Variants in PTPN13 observed in about 807,000 individuals in gnomAD.
PTPN13 encodes tyrosine-protein phosphatase non-receptor type 13.
In PTPN13, 191 loss-of-function variants were observed where a neutral mutation model predicts 284.0. The observed-to-expected ratio is 0.67, with a 90% CI of 0.60 to 0.76. The LOEUF (loss-of-function observed/expected upper bound fraction) is 0.76, where lower values mean the gene tolerates loss of function less well. Among genes scored for constraint, PTPN13 ranks in the 30% least tolerant of loss-of-function variants. The probability of loss-of-function intolerance (pLI) is 0.00; values close to 1 mark genes in which losing one functional copy is unlikely to be tolerated. For missense variants in PTPN13, 2,797 were observed against 2,939.9 expected, an observed-to-expected ratio of 0.95 and a Z score of 1.12; for synonymous variants, 986 against 1,022.3, an observed-to-expected ratio of 0.96 and a Z score of 0.68.
At position 86,635,404 on chromosome 4, in the gene PTPN13, T is replaced by A. The variant is rs190755371; in HGVS notation, c.115+33T>A. On this transcript the variant is annotated intron_variant, in intron 2 of 47. Coordinates refer to ENST00000411767, the MANE Select transcript of PTPN13 (RefSeq NM_080683.3). ...GCTGCTGCTGCTGCTGTTGTTGTTG[T>A]TGTTTCAGTATTGGGTACTTAAAAA... 1,535 of 1,560,622 alleles carry A rather than the reference T, an allele frequency of 9.8e-4. 1 individual carries two copies. The highest frequency in any genetic ancestry group is 1.2e-3 in the Non-Finnish European group (1,409 of 1,152,034).
intron 2 of PTPN13, among the ~76,000 whole-genome samples, chr4:86,661,612 A>G (rs1389728692): frequency 1.3e-5 from 2 of 152,220 alleles, no homozygotes; most frequent in Non-Finnish European, 2.9e-5. Context: ...AGAGAATGGC[A>G]TTAGTGATCA....
chr4:86,649,956 GT>G (rs1347067723), intron 2 of PTPN13, among the ~76,000 whole-genome samples: 1 of 152,056 alleles, frequency 6.6e-6, no homozygotes, highest in African/African-American at 2.4e-5. Flanking sequence ...CCATTTTTGT[GT>G]GTCCTCTTCA....
chr4:86,715,904 A>T (rs1314487727), intron 7 of PTPN13, among the ~76,000 whole-genome samples: 23 of 152,354 alleles, frequency 1.5e-4, no homozygotes. Context: ...TTTAGATTCT[A>T]GTCCACACTT....
At chr4:86,596,657 CTG>C (rs1181194594) in intron 1 of PTPN13, among the ~76,000 whole-genome samples, 1 of 152,038 alleles carries the variant, frequency 6.6e-6, no homozygotes, top group African/African-American at 2.4e-5. Flanking sequence ...TTGATTTGTT[CTG>C]TCTTTAATGT....
intron 2 of PTPN13, among the ~76,000 whole-genome samples, chr4:86,655,710 A>G (rs1178544196): frequency 6.6e-6 from 1 of 152,056 alleles, no homozygotes; most frequent in Non-Finnish European, 1.5e-5. Flanking sequence ...GAATCTGACA[A>G]TTATGTGTCT....
In PTPN13 at chr4:86,744,571, C is replaced by T. The variant is rs1246428399; in HGVS notation, c.2488-395C>T. ...CGATTTTTCAGTCAACAACTGACCA[C>T]GAGCAATGGTGGTCCCATAAGATTA... On this transcript the variant is annotated intron_variant, in intron 16 of 47. Transcript: ENST00000411767. Among the ~76,000 whole-genome samples the T allele has an allele frequency of 2.0e-5, 3 of 152,290 alleles. No homozygotes were observed. In the East Asian group the frequency reaches 5.8e-4, roughly 29 times the overall value.
chr4:86,701,670 GC>G lies in PTPN13; in HGVS notation c.1067del (p.Pro356LeufsTer36), dbSNP rs1731182541. 1 of 1,613,722 alleles carries G rather than the reference GC, an allele frequency of 6.2e-7. No homozygotes were observed. Among genetic ancestry groups the G allele is most frequent in the Non-Finnish European group, 8.5e-7 (1 of 1,179,858 alleles). On this transcript the variant is annotated frameshift_variant, in exon 7 of 48. Coordinates refer to ENST00000411767, the MANE Select transcript of PTPN13 (RefSeq NM_080683.3). LOFTEE classifies it high-confidence loss of function. ...GGAAGTATAGCCTTGGATATCTTTG[GC>G]CCTCAGAAAATGGATCCAATATATC... is the stretch of plus-strand genomic sequence containing the variant. Reference protein sequence around the residue: ...SDGSIALDIFGPQKMDPIYHT... With the variant: ...SDGSIALDIFXPQKMDPIYHT...
At chr4:86,694,474 G>C (rs184033689) in intron 6 of PTPN13, among the ~76,000 whole-genome samples, 223 of 150,990 alleles carry the variant, frequency 1.5e-3, no homozygotes, top group Non-Finnish European at 2.8e-3. Context: ...CAGCTACTCG[G>C]GAGGCTGAGA....
intron 27 of PTPN13, among the ~76,000 whole-genome samples, chr4:86,766,988 C>T (rs1484957275): frequency 3.3e-5 from 5 of 152,000 alleles, no homozygotes; most frequent in Non-Finnish European, 5.9e-5. Context: ...GGCGCAATCA[C>T]GGCTCACTGC....
At chr4:86,653,070 G>A (rs1005998056) in intron 2 of PTPN13, among the ~76,000 whole-genome samples, 27 of 151,844 alleles carry the variant, frequency 1.8e-4, no homozygotes, top group Middle Eastern at 3.2e-3. Flanking sequence ...GAATTTTTCA[G>A]TTCCAGAATT....
At chr4:86,693,510 T>C in intron 5 of PTPN13, 77 bp from the exon 6 acceptor site, 2 of 859,034 alleles carry the variant, frequency 2.3e-6, no homozygotes, top group Admixed American at 5.7e-5. Flanking sequence ...GTAACTAGTG[T>C]CATTCTGTAA....
Position 86,811,086 on chromosome 4 carries a change from G to C in PTPN13, c.7340G>C (p.Arg2447Thr), listed in dbSNP as rs1199910517. ...SDLVRCMRLQ[R>T]HGMVQTEDQY... ...TTGGTGCGCTGCATGAGACTACAAA[G>C]ACACGGAATGGTTCAGACAGAGGTG... Residue 2447 changes from arginine (R) to threonine (T), a missense_variant, in exon 47 of 48, where the codon AGA becomes ACA. Arg to Thr is a moderately conservative substitution (Grantham distance 71). Coordinates refer to ENST00000411767, the MANE Select transcript of PTPN13 (RefSeq NM_080683.3). 2 of 1,613,508 alleles carry C rather than the reference G, an allele frequency of 1.2e-6. No homozygotes were observed. The highest frequency in any genetic ancestry group is 4.5e-5 in the East Asian group (2 of 44,870).
intron 2 of PTPN13, among the ~76,000 whole-genome samples, chr4:86,640,296 T>A (rs2148752933): frequency 6.6e-6 from 1 of 152,352 alleles, no homozygotes; most frequent in Admixed American, 6.5e-5. Flanking sequence ...TTTGCTTCAC[T>A]TTATTTTTCA....
In PTPN13 at chr4:86,729,231, C is replaced by T. The variant is rs1254735808; in HGVS notation, c.1609-3169C>T. Among the ~76,000 whole-genome samples the T allele has an allele frequency of 2.0e-5, 3 of 149,566 alleles. 1 individual carries two copies. Among genetic ancestry groups the T allele is most frequent in the Non-Finnish European group, 4.5e-5 (3 of 66,624 alleles). ...ATCGCTGTTAGTCTGATGGGCTTCC[C>T]TTTGTGGGTAACCCGACCTTTCTCT... On this transcript the variant is annotated intron_variant, in intron 10 of 47. Transcript: ENST00000411767.
chr4:86,743,698 T>C (rs1296529693), intron 16 of PTPN13, among the ~76,000 whole-genome samples: 1 of 152,184 alleles, frequency 6.6e-6, no homozygotes, highest in Non-Finnish European at 1.5e-5. Context: ...TGAATTTATA[T>C]AAATAAGAAA....
chr4:86,759,096 A>G, intron 23 of PTPN13, 23 bp downstream of exon 23: 1 of 1,604,164 alleles, frequency 6.2e-7, no homozygotes. Context: ...TCTCTTACTT[A>G]TGTATTCTGT....
intron 3 of PTPN13, among the ~76,000 whole-genome samples, chr4:86,684,384 C>T (rs1187211): frequency 0.33 from 50,386 of 151,892 alleles, 10,063 homozygotes; most frequent in South Asian, 0.52. Context: ...AGAAAATTAT[C>T]TAGATGTGCC....
chr4:86,775,169 A>G lies in PTPN13; in HGVS notation c.5509-2A>G. 1 of 1,573,654 alleles carries G rather than the reference A, an allele frequency of 6.4e-7. No homozygotes were observed. Among genetic ancestry groups the G allele is most frequent in the Non-Finnish European group, 8.6e-7 (1 of 1,163,780 alleles). On this transcript the variant is annotated splice_acceptor_variant, in intron 33 of 47. Transcript: ENST00000411767. LOFTEE classifies it high-confidence loss of function. ...TCACATGCCCCTTTCTTGTTTTTGT[A>G]GGTTAATGATACAGATGTTACTAAT...
intron 3 of PTPN13, 41 bp downstream of exon 3, chr4:86,672,584 G>A (rs1445446539): frequency 2.7e-6 from 4 of 1,484,024 alleles, no homozygotes; most frequent in African/African-American, 1.4e-5. Flanking sequence ...TATTTGGGTG[G>A]GGATAGGTCA....
Sources: gnomAD v4.1 joint callset for allele counts (sites outside exome capture counted in the v4.1 genomes callset) on GRCh38, gnomAD v4.1.1 for gene constraint, MANE v1.5 for transcripts, NCBI Gene and HGNC (gene_info 2026-07-23, HGNC 2026-07-21) for gene names.